Variants in DCC observed in about 807,000 individuals in gnomAD.
The protein encoded by DCC is DCC netrin 1 receptor, also known as netrin receptor DCC.
In DCC, 58 loss-of-function variants were observed where a neutral mutation model predicts 172.5. That is an observed-to-expected ratio of 0.34 (90% CI 0.27 to 0.42). The LOEUF (loss-of-function observed/expected upper bound fraction) is 0.42, where lower values mean the gene tolerates loss of function less well. Among genes scored for constraint, DCC ranks in the 10% least tolerant of loss-of-function variants. The pLI is 1.00. For missense variants in DCC, 1,740 were observed against 1,791.0 expected, an observed-to-expected ratio of 0.97 and a Z score of 0.51; for synonymous variants, 709 against 644.5, an observed-to-expected ratio of 1.10 and a Z score of -1.52.
intron 23 of DCC, among the ~76,000 whole-genome samples, chr18:53,457,508 G>A (rs968752509): frequency 3.3e-5 from 5 of 152,166 alleles, no homozygotes; most frequent in African/African-American, 1.2e-4. Flanking sequence ...ACAGATGCTG[G>A]TGTTAAGTTA....
intron 1 of DCC, among the ~76,000 whole-genome samples, chr18:52,570,550 G>A (rs2033268874): frequency 6.6e-6 from 1 of 152,128 alleles, no homozygotes; most frequent in African/African-American, 2.4e-5. Flanking sequence ...TAGCAATGAT[G>A]CTGCAATAAC....
At chr18:52,538,624 AATCTTCCTT>A (rs2032351504) in intron 1 of DCC, among the ~76,000 whole-genome samples, 1 of 152,154 alleles carries the variant, frequency 6.6e-6, no homozygotes, top group South Asian at 2.1e-4. Flanking sequence ...ATACCATGTG[AATCTTCCTT>A]ATCTTCCTAT....
intron 5 of DCC, among the ~76,000 whole-genome samples, chr18:53,061,871 T>A (rs375798060): frequency 6.6e-6 from 1 of 152,256 alleles, no homozygotes; most frequent in East Asian, 1.9e-4. Context: ...CTCTGCATTG[T>A]CAGCTCTCAA....
At chr18:53,137,401 C>T (rs945394427) in intron 7 of DCC, among the ~76,000 whole-genome samples, 1 of 152,230 alleles carries the variant, frequency 6.6e-6, no homozygotes, top group Non-Finnish European at 1.5e-5. Context: ...TGAGGCCACT[C>T]AGCGTTCCTG....
chr18:52,849,765 G>A (rs542414493), intron 2 of DCC, among the ~76,000 whole-genome samples: 2 of 152,266 alleles, frequency 1.3e-5, no homozygotes, highest in South Asian at 2.1e-4. Context: ...AGACAAAGGA[G>A]CCAAAGGGAC....
At chr18:52,974,993 T>C (rs72928119) in intron 5 of DCC, among the ~76,000 whole-genome samples, 5,360 of 152,310 alleles carry the variant, frequency 0.035, 126 homozygotes, top group African/African-American at 0.054. Flanking sequence ...CTCTATATTA[T>C]ACTCGATCTC....
intron 27 of DCC, among the ~76,000 whole-genome samples, chr18:53,507,500 G>C (rs1448335245): frequency 6.6e-6 from 1 of 152,194 alleles, no homozygotes; most frequent in African/African-American, 2.4e-5. Flanking sequence ...TAAACATCTT[G>C]TGTGTGTTCC....
chr18:52,886,902 C>A (rs546013776), intron 2 of DCC, among the ~76,000 whole-genome samples: 1 of 152,084 alleles, frequency 6.6e-6, no homozygotes, highest in South Asian at 2.1e-4. Context: ...AATTATTTTG[C>A]TTAGCTGTTT....
At chr18:52,958,548 G>C (rs1275556905) in intron 5 of DCC, among the ~76,000 whole-genome samples, 1 of 152,100 alleles carries the variant, frequency 6.6e-6, no homozygotes, top group Non-Finnish European at 1.5e-5. Context: ...AGGAAAAGAA[G>C]TGAGGAAATA....
In DCC at chr18:53,179,060, A is replaced by G. The variant is rs1158853961; in HGVS notation, c.1517A>G (p.Asn506Ser). The G allele has an allele frequency of 1.9e-6, 3 of 1,613,950 alleles. No homozygotes were observed. Among genetic ancestry groups the G allele is most frequent in the Non-Finnish European group, 2.5e-6 (3 of 1,179,952 alleles). Residue 506 changes from asparagine to serine, a missense_variant, in exon 9 of 29, where the codon AAT becomes AGT. Coordinates refer to ENST00000442544, the MANE Select transcript of DCC (RefSeq NM_005215.4). ...TACACCTTTCGAGTTGTGGCTTACA[A>G]TGAATGGGGACCGGGAGAGAGTTCT... ...AMYTFRVVAY[N>S]EWGPGESSQP...
chr18:53,186,524 A>G (rs2055284555), intron 9 of DCC, among the ~76,000 whole-genome samples: 1 of 152,154 alleles, frequency 6.6e-6, no homozygotes, highest in Non-Finnish European at 1.5e-5. Context: ...GAGCTGATGA[A>G]CACCACTGAG....
intron 2 of DCC, among the ~76,000 whole-genome samples, chr18:52,753,275 A>G (rs1421392116): frequency 1.3e-5 from 2 of 152,156 alleles, no homozygotes; most frequent in African/African-American, 4.8e-5. Flanking sequence ...GAAAGATGTA[A>G]AAAGATTCAT....
chr18:53,027,248 A>G (rs2041967766), intron 5 of DCC, among the ~76,000 whole-genome samples: 1 of 152,058 alleles, frequency 6.6e-6, no homozygotes, highest in Admixed American at 6.6e-5. Flanking sequence ...TTCCTGTTTT[A>G]TAGGGACACT....
intron 2 of DCC, among the ~76,000 whole-genome samples, chr18:52,807,880 AAT>A (rs2038117571): frequency 6.6e-6 from 1 of 151,324 alleles, no homozygotes; most frequent in African/African-American, 2.4e-5. Context: ...CTCATCTCTC[AAT>A]CTCTCCTGGA....
chr18:53,294,323 G>A (rs1211851763), intron 12 of DCC, among the ~76,000 whole-genome samples: 1 of 152,152 alleles, frequency 6.6e-6, no homozygotes, highest in East Asian at 1.9e-4. Context: ...GTGGCAGGAG[G>A]GCTGTGCCCT....
intron 2 of DCC, among the ~76,000 whole-genome samples, chr18:52,837,214 G>C (rs969697985): frequency 6.6e-6 from 1 of 152,204 alleles, no homozygotes; most frequent in Non-Finnish European, 1.5e-5. Context: ...AGGATCTGCT[G>C]TGAAGTCTCT....
At chr18:53,335,394 A>G (rs976835064) in intron 14 of DCC, among the ~76,000 whole-genome samples, 1 of 152,146 alleles carries the variant, frequency 6.6e-6, no homozygotes, top group Non-Finnish European at 1.5e-5. Flanking sequence ...TAGAACTACA[A>G]CTAGTATATA....
At chr18:52,870,846 T>G (rs2039307797) in intron 2 of DCC, among the ~76,000 whole-genome samples, 1 of 152,078 alleles carries the variant, frequency 6.6e-6, no homozygotes, top group African/African-American at 2.4e-5. Flanking sequence ...GAGATTGATT[T>G]GAGTAAAAAC....
At chr18:53,476,663 T>C (rs1301739464) in intron 25 of DCC, among the ~76,000 whole-genome samples, 2 of 152,202 alleles carry the variant, frequency 1.3e-5, no homozygotes, top group Non-Finnish European at 2.9e-5. Context: ...ATCAGGATCA[T>C]GAAAACAGAC....
Sources: gnomAD v4.1 joint callset for allele counts (sites outside exome capture counted in the v4.1 genomes callset) on GRCh38, gnomAD v4.1.1 for gene constraint, MANE v1.5 for transcripts, NCBI Gene and HGNC (gene_info 2026-07-23, HGNC 2026-07-21) for gene names.